Variants in MAPK10 observed in about 807,000 individuals in gnomAD.
The protein encoded by MAPK10 is JNK3 alpha protein kinase.
A neutral mutation model predicts 59.3 loss-of-function variants in MAPK10; 25 were observed. The ratio of observed to expected loss-of-function variants is 0.42; its 90% CI spans 0.31 to 0.59. MAPK10 has a LOEUF of 0.59. MAPK10 is among the 20% of genes least tolerant of loss of function. The pLI is 0.15. For missense variants in MAPK10, 351 were observed against 568.9 expected (o/e 0.62, Z 3.90); for synonymous variants, 190 against 200.5 (o/e 0.95, Z 0.44).
At chr4:86,096,292 G>C (rs1253664810) in intron 9 of MAPK10, among the ~76,000 whole-genome samples, 1 of 151,722 alleles carries the variant, frequency 6.6e-6, no homozygotes. Flanking sequence ...AAAAAGGTGG[G>C]AGGGGCACCT....
At chr4:86,041,458 C>T (rs1380547604) in intron 11 of MAPK10, among the ~76,000 whole-genome samples, 1 of 152,082 alleles carries the variant, frequency 6.6e-6, no homozygotes, top group Non-Finnish European at 1.5e-5. Context: ...AAAGCAATTG[C>T]AACAAAAGAA....
At chr4:86,486,516 A>G (rs1343468063) in intron 1 of MAPK10, among the ~76,000 whole-genome samples, 2 of 152,216 alleles carry the variant, frequency 1.3e-5, no homozygotes, top group Non-Finnish European at 2.9e-5. Context: ...GGGTATAGCA[A>G]TTGTGAAACT....
intron 2 of MAPK10, among the ~76,000 whole-genome samples, chr4:86,203,073 T>C (rs1270402645): frequency 6.6e-6 from 1 of 151,908 alleles, no homozygotes; most frequent in Non-Finnish European, 1.5e-5. Flanking sequence ...TGACAATATC[T>C]TGGTGCAATA....
chr4:86,372,520 A>AAAAGAAAGAAAGAAAGAAAGAAAG (rs71598410), intron 1 of MAPK10, among the ~76,000 whole-genome samples: 7 of 90,006 alleles, frequency 7.8e-5, no homozygotes, highest in Admixed American at 2.5e-4. Context: ...CATCTCAAAC[A>AAAAGAAAGAAAGAAAGAAAGAAAG]AAAGAAAGAA....
chr4:86,158,662 A>T (rs2068587687), intron 4 of MAPK10, among the ~76,000 whole-genome samples: 1 of 151,906 alleles, frequency 6.6e-6, no homozygotes, highest in African/African-American at 2.4e-5. Context: ...TGTGTAAAAG[A>T]AATGCTTATC....
intron 4 of MAPK10, among the ~76,000 whole-genome samples, chr4:86,117,134 C>T (rs2149103558): frequency 6.6e-6 from 1 of 152,340 alleles, no homozygotes; most frequent in East Asian, 1.9e-4. Context: ...ATAAGCTGGG[C>T]ACAGTGGCAT....
intron 2 of MAPK10, among the ~76,000 whole-genome samples, chr4:86,201,310 T>A (rs1428936133): frequency 6.6e-6 from 1 of 151,904 alleles, no homozygotes; most frequent in Non-Finnish European, 1.5e-5. Context: ...CAGAACCATT[T>A]TCAATCTCCT....
At chr4:86,310,925 T>C (rs2095656052) in intron 2 of MAPK10, among the ~76,000 whole-genome samples, 2 of 152,090 alleles carry the variant, frequency 1.3e-5, no homozygotes, top group Non-Finnish European at 2.9e-5. Flanking sequence ...ACTTTTAAGA[T>C]GGGCTGTTAT....
At chr4:86,131,216 ACTTT>A (rs1216986998) in intron 4 of MAPK10, among the ~76,000 whole-genome samples, 1 of 152,196 alleles carries the variant, frequency 6.6e-6, no homozygotes, top group African/African-American at 2.4e-5. Flanking sequence ...TGGTTAACTT[ACTTT>A]CATTTTGATA....
intron 2 of MAPK10, among the ~76,000 whole-genome samples, chr4:86,275,472 T>C (rs1472073436): frequency 2.0e-5 from 3 of 152,036 alleles, no homozygotes; most frequent in African/African-American, 7.2e-5. Context: ...AAATCATATT[T>C]TATCAACGTA....
intron 1 of MAPK10, among the ~76,000 whole-genome samples, chr4:86,398,824 A>T (rs1235885720): frequency 6.6e-6 from 1 of 152,116 alleles, no homozygotes; most frequent in East Asian, 1.9e-4. Flanking sequence ...AGTACCCAAT[A>T]TTTAGCTCCC....
At chr4:86,578,659 T>G (rs1762059637) in intron 1 of MAPK10, among the ~76,000 whole-genome samples, 1 of 151,760 alleles carries the variant, frequency 6.6e-6, no homozygotes, top group African/African-American at 2.4e-5. Context: ...AATTTTCAGC[T>G]TAATTATTGT....
In MAPK10 at chr4:86,056,932, T is replaced by A. The variant is rs1178244801; in HGVS notation, c.1110+7334A>T. Among the ~76,000 whole-genome samples, 3 of 113,956 alleles carry A rather than the reference T, an allele frequency of 2.6e-5. 1 individual carries two copies. Among genetic ancestry groups the A allele is most frequent in the South Asian group, 4.7e-4 (2 of 4,222 alleles). The allele number at this position is 113,956 out of a possible 152,430, so 74.8% of individuals were successfully genotyped here. A position where few individuals can be genotyped will look rare whatever the true frequency, so the allele number is the denominator to read the frequency against. ...CAAACTTAGTCAGCTTGGTCAGGACTTTTTTGTTTATTTATTTTATTTTAT... is the reference window on the plus strand; with the variant it reads ...CAAACTTAGTCAGCTTGGTCAGGACATTTTTGTTTATTTATTTTATTTTAT... On this transcript the variant is annotated intron_variant, in intron 11 of 13. Transcript: ENST00000641462.
intron 1 of MAPK10, among the ~76,000 whole-genome samples, chr4:86,421,149 A>C (rs1452931253): frequency 6.6e-6 from 1 of 151,948 alleles, no homozygotes; most frequent in Non-Finnish European, 1.5e-5. Context: ...GTGTGTGTGC[A>C]TGTGTTTACT....
At chr4:86,168,443 G>A (rs6850605) in intron 3 of MAPK10, among the ~76,000 whole-genome samples, 12,932 of 152,226 alleles carry the variant, frequency 0.085, 1,217 homozygotes, top group African/African-American at 0.23. Flanking sequence ...CTACACGCAC[G>A]GAGTCTCGCT....
intron 3 of MAPK10, among the ~76,000 whole-genome samples, chr4:86,189,960 G>T (rs966951812): frequency 6.6e-6 from 1 of 152,048 alleles, no homozygotes; most frequent in African/African-American, 2.4e-5. Context: ...GCATGAATGG[G>T]TGTTGAATTT....
At chr4:86,419,668 G>A (rs540782970) in intron 1 of MAPK10, among the ~76,000 whole-genome samples, 1 of 152,160 alleles carries the variant, frequency 6.6e-6, no homozygotes, top group African/African-American at 2.4e-5. Context: ...ATGAAATAAT[G>A]TTTTATAAGA....
Position 86,291,618 on chromosome 4 carries a change from A to G in MAPK10, c.-7+62912T>C, listed in dbSNP as rs140934226. Among the ~76,000 whole-genome samples, 11 of 152,316 alleles carry G rather than the reference A, an allele frequency of 7.2e-5. No homozygotes were observed. In the East Asian group the frequency reaches 2.1e-3, roughly 29 times the overall value. On this transcript the variant is annotated intron_variant, in intron 2 of 13. Transcript: ENST00000641462. ...AAAAAACTAGATGCTACTGATGAAA[A>G]AATGTAGATTTACATTTATACCGTA...
rs1284062506 is a variant in MAPK10, at chr4:86,145,287, G to C, written c.236+14011C>G. ...TGAGGCAGGAGAATGGCGTGAACCC[G>C]GGAGGCGGAGCTTGCAGTGAGCCGA... On this transcript the variant is annotated intron_variant, in intron 4 of 13. Coordinates refer to ENST00000641462, the MANE Select transcript of MAPK10 (RefSeq NM_138982.4). Among the ~76,000 whole-genome samples, 2 of 91,792 alleles carry C rather than the reference G, an allele frequency of 2.2e-5. 1 individual carries two copies. Among genetic ancestry groups the C allele is most frequent in the African/African-American group, 1.3e-4 (2 of 15,630 alleles). The allele number at this position is 91,792 out of a possible 152,430, so 60.2% of individuals were successfully genotyped here.
Sources: gnomAD v4.1 joint callset for allele counts (sites outside exome capture counted in the v4.1 genomes callset) on GRCh38, gnomAD v4.1.1 for gene constraint, MANE v1.5 for transcripts, NCBI Gene and HGNC (gene_info 2026-07-23, HGNC 2026-07-21) for gene names.